RUNX1: variants seen among roughly 807,000 people sequenced by gnomAD.
RUNX1 encodes runt-related transcription factor 1.
In RUNX1, 19 loss-of-function variants were observed where a neutral mutation model predicts 42.8. The observed-to-expected ratio is 0.44, with a 90% confidence interval of 0.31 to 0.65. The LOEUF (loss-of-function observed/expected upper bound fraction) is 0.65, where lower values mean the gene tolerates loss of function less well. RUNX1 is among the 30% of genes least tolerant of loss of function. RUNX1 has a pLI of 0.07. For synonymous variants in RUNX1, 271 were observed against 289.4 expected, an observed-to-expected ratio of 0.94 and a Z score of 0.64; for missense variants, 528 against 672.0, an observed-to-expected ratio of 0.79 and a Z score of 2.37.
intron 2 of RUNX1, among the ~76,000 whole-genome samples, chr21:34,987,022 C>T (rs1050822312): frequency 1.3e-5 from 2 of 152,240 alleles, no homozygotes; most frequent in African/African-American, 4.8e-5. Flanking sequence ...AGCCTCACCC[C>T]ACAAGGCTGC....
chr21:34,970,255 AGGAGACGTGGT>A (rs1387212317), intron 2 of RUNX1, among the ~76,000 whole-genome samples: 1 of 152,230 alleles, frequency 6.6e-6, no homozygotes, highest in Non-Finnish European at 1.5e-5. Context: ...GGGGTATGTC[AGGAGACGTGGT>A]GGAGAGATAT....
chr21:34,888,098 C>A (rs922713423), intron 3 of RUNX1: 21 of 1,066,164 alleles, frequency 2.0e-5, no homozygotes, highest in Non-Finnish European at 2.4e-5. Context: ...CATGCAAACA[C>A]GCACTCTTCG....
intron 7 of RUNX1, among the ~76,000 whole-genome samples, chr21:34,802,533 C>T (rs981003480): frequency 2.6e-5 from 4 of 152,198 alleles, no homozygotes; most frequent in Non-Finnish European, 4.4e-5. Flanking sequence ...ATATTTCCAA[C>T]AAACATTTTT....
chr21:34,963,910 C>T (rs539279885), intron 2 of RUNX1, among the ~76,000 whole-genome samples: 1 of 152,286 alleles, frequency 6.6e-6, no homozygotes, highest in South Asian at 2.1e-4. Flanking sequence ...CACACCTGAT[C>T]TCTGTATATT....
At chr21:34,817,443 G>A (rs2056842584) in intron 7 of RUNX1, among the ~76,000 whole-genome samples, 1 of 152,162 alleles carries the variant, frequency 6.6e-6, no homozygotes, top group Non-Finnish European at 1.5e-5. Context: ...TGTCGCTGAG[G>A]CCAAATTAGG....
At chr21:35,043,032 A>C (rs1162161857) in intron 2 of RUNX1, among the ~76,000 whole-genome samples, 1 of 152,154 alleles carries the variant, frequency 6.6e-6, no homozygotes, top group African/African-American at 2.4e-5. Context: ...CTCCCCAACA[A>C]AGAGTGAAGC....
intron 2 of RUNX1, among the ~76,000 whole-genome samples, chr21:34,971,567 A>G (rs1303589390): frequency 6.6e-6 from 1 of 151,904 alleles, no homozygotes; most frequent in Non-Finnish European, 1.5e-5. Context: ...TATCTTATCC[A>G]CCCACCCTTC....
At chr21:34,906,936 A>G (rs888992603) in intron 2 of RUNX1, among the ~76,000 whole-genome samples, 2 of 152,204 alleles carry the variant, frequency 1.3e-5, no homozygotes, top group Non-Finnish European at 2.9e-5. Context: ...TTAAATATAA[A>G]ATGCATTAAA....
chr21:34,861,112 C>T (rs1306720647), intron 5 of RUNX1, among the ~76,000 whole-genome samples: 1 of 152,170 alleles, frequency 6.6e-6, no homozygotes, highest in Non-Finnish European at 1.5e-5. Flanking sequence ...TCCATCTTTC[C>T]CATCAACTGG....
intron 7 of RUNX1, among the ~76,000 whole-genome samples, chr21:34,823,434 T>G (rs1232619324): frequency 1.7e-4 from 1 of 6,054 alleles, no homozygotes; most frequent in African/African-American, 2.0e-4. Context: ...TGGTGGGTTT[T>G]TTTTTTTTTT....
chr21:34,823,429 G>GTTTTTTTT (rs1569027248), intron 7 of RUNX1, among the ~76,000 whole-genome samples: 7 of 99,120 alleles, frequency 7.1e-5, no homozygotes, highest in African/African-American at 3.7e-4. Context: ...ATTCCTGGTG[G>GTTTTTTTT]GTTTTTTTTT....
intron 2 of RUNX1, among the ~76,000 whole-genome samples, chr21:34,933,789 T>C (rs1460195153): frequency 6.6e-6 from 1 of 152,208 alleles, no homozygotes; most frequent in African/African-American, 2.4e-5. Context: ...CTTCTGGGTC[T>C]GGGTGGCCTT....
intron 2 of RUNX1, among the ~76,000 whole-genome samples, chr21:34,953,373 T>A (rs1452461697): frequency 1.3e-5 from 2 of 152,144 alleles, no homozygotes; most frequent in African/African-American, 2.4e-5. Context: ...GTCGTGTGAA[T>A]AACTTCTGCA....
chr21:34,914,641 A>T (rs28421324), intron 2 of RUNX1, among the ~76,000 whole-genome samples: 35,224 of 151,970 alleles, frequency 0.23, 6,696 homozygotes, highest in African/African-American at 0.53. Flanking sequence ...CCCTCCCTCC[A>T]CTTGGAGCTA....
intron 2 of RUNX1, chr21:35,038,933 A>G: frequency 2.9e-6 from 1 of 347,794 alleles, no homozygotes; most frequent in Non-Finnish European, 5.7e-6. Context: ...TAATTGTAAC[A>G]TTGCCTAAGG....
chr21:35,028,669 G>GAC (rs1448359369), intron 2 of RUNX1, among the ~76,000 whole-genome samples: 3 of 152,206 alleles, frequency 2.0e-5, no homozygotes, highest in Admixed American at 6.5e-5. Flanking sequence ...TCCCTGACCA[G>GAC]ACAGTAAGTT....
intron 7 of RUNX1, among the ~76,000 whole-genome samples, chr21:34,809,106 G>GC (rs1477067088): frequency 6.6e-6 from 1 of 152,026 alleles, no homozygotes; most frequent in East Asian, 1.9e-4. Flanking sequence ...CTGCACCTCT[G>GC]CCCCCCGTAT....
At chr21:34,815,284 C>T (rs917981146) in intron 7 of RUNX1, among the ~76,000 whole-genome samples, 20 of 151,966 alleles carry the variant, frequency 1.3e-4, no homozygotes, top group Non-Finnish European at 2.1e-4. Flanking sequence ...GTGGGTGACA[C>T]AGAGGTGTTG....
intron 2 of RUNX1, among the ~76,000 whole-genome samples, chr21:34,934,620 T>G (rs376659826): frequency 1.3e-5 from 2 of 152,186 alleles, no homozygotes; most frequent in East Asian, 3.8e-4. Context: ...ATTCACATGC[T>G]GGTGCTTTAG....
Sources: allele counts gnomAD v4.1 joint callset (sites outside exome capture counted in the v4.1 genomes callset), GRCh38; gene constraint gnomAD v4.1.1; transcripts MANE v1.5; gene names NCBI Gene and HGNC (gene_info 2026-07-23, HGNC 2026-07-21).